The following ZNF536 variants were observed in gnomAD, a reference collection of about 807,000 sequenced individuals.
ZNF536 encodes zinc finger protein 536.
In ZNF536, 13 loss-of-function variants were observed where a neutral mutation model predicts 84.5. The ratio of observed to expected loss-of-function variants is 0.15; its 90% confidence interval spans 0.10 to 0.24. The LOEUF is 0.24. Among genes scored for constraint, ZNF536 ranks in the 10% least tolerant of loss-of-function variants. The pLI, the probability that ZNF536 is intolerant of heterozygous loss-of-function variation, is 1.00. For synonymous variants in ZNF536, 811 were observed against 742.5 expected (o/e 1.09, Z -1.50); for missense variants, 1,536 against 1,747.5 (o/e 0.88, Z 2.16).
In ZNF536 at chr19:30,243,697, C is replaced by T. The variant is rs562778465; in HGVS notation, c.-190+15024C>T. Among the ~76,000 whole-genome samples, 23 of 152,320 alleles carry T rather than the reference C, an allele frequency of 1.5e-4. No homozygotes were observed. The South Asian group carries it at 4.3e-3, about 29-fold the overall frequency. ...TTTTGACAGTGCTAGTGCTGTATTA[C>T]GTCTGGCTCATTAATTTGGAGACAA... On this transcript the variant is annotated intron_variant, in intron 1 of 5. Transcript: ENST00000585628.
intron 1 of ZNF536, among the ~76,000 whole-genome samples, chr19:30,586,729 A>G (rs1448763645): frequency 2.0e-5 from 3 of 152,206 alleles, no homozygotes; most frequent in Non-Finnish European, 2.9e-5. Flanking sequence ...TAGTGTGTGG[A>G]TGGAGAGTAC....
intron 1 of ZNF536, among the ~76,000 whole-genome samples, chr19:30,272,412 A>C (rs2025903096): frequency 6.6e-6 from 1 of 152,154 alleles, no homozygotes; most frequent in African/African-American, 2.4e-5. Context: ...TGTTGAACCA[A>C]TATTGATACA....
intron 1 of ZNF536, among the ~76,000 whole-genome samples, chr19:30,275,690 C>A (rs2026089287): frequency 6.6e-6 from 1 of 152,116 alleles, no homozygotes; most frequent in Non-Finnish European, 1.5e-5. Context: ...ATGATAATAC[C>A]CACCTCATAA....
downstream of ZNF536, among the ~76,000 whole-genome samples, chr19:30,558,961 A>G (rs2046062446): frequency 6.6e-6 from 1 of 152,164 alleles, no homozygotes; most frequent in African/African-American, 2.4e-5. Flanking sequence ...CTCATTGAAC[A>G]ACCCTGGCCT....
intron 4 of ZNF536, chr19:30,555,178 G>C (rs966824259): frequency 2.0e-5 from 3 of 152,256 alleles, no homozygotes; most frequent in Non-Finnish European, 4.4e-5. Context: ...ATGCAAGCTT[G>C]CTCTGTGAAA....
At chr19:30,702,829 G>A (rs991269159) in intron 1 of ZNF536, among the ~76,000 whole-genome samples, 5 of 152,158 alleles carry the variant, frequency 3.3e-5, no homozygotes, top group Non-Finnish European at 7.3e-5. Flanking sequence ...AATGCTTGGC[G>A]GAAATCTGTG....
chr19:30,501,021 A>T (rs1374925623), intron 2 of ZNF536, among the ~76,000 whole-genome samples: 2 of 152,172 alleles, frequency 1.3e-5, no homozygotes, highest in Non-Finnish European at 2.9e-5. Flanking sequence ...TTGACCTGTC[A>T]TGTAGAGTTT....
chr19:30,451,613 G>C (rs1306723647), intron 2 of ZNF536, among the ~76,000 whole-genome samples: 1 of 152,216 alleles, frequency 6.6e-6, no homozygotes, highest in Admixed American at 6.5e-5. Context: ...TAAAATTGCA[G>C]AGGCAGAGCA....
chr19:30,351,461 T>C (rs2047928233), intron 2 of ZNF536, among the ~76,000 whole-genome samples: 1 of 152,276 alleles, frequency 6.6e-6, no homozygotes, highest in African/African-American at 2.4e-5. Flanking sequence ...CACTATCATT[T>C]GCATATAGCA....
chr19:30,304,887 G>A (rs2046300413), intron 2 of ZNF536, among the ~76,000 whole-genome samples: 2 of 152,196 alleles, frequency 1.3e-5, no homozygotes, highest in Non-Finnish European at 2.9e-5. Flanking sequence ...GAAGTTCTAG[G>A]GGCAAAGCAT....
intron 1 of ZNF536, among the ~76,000 whole-genome samples, chr19:30,684,140 C>CAT (rs967335053): frequency 1.3e-5 from 2 of 151,980 alleles, no homozygotes; most frequent in Non-Finnish European, 2.9e-5. Flanking sequence ...CACATATATA[C>CAT]ATATATATAT....
intron 1 of ZNF536, among the ~76,000 whole-genome samples, chr19:30,563,562 G>C (rs2146454737): frequency 6.6e-6 from 1 of 152,330 alleles, no homozygotes; most frequent in Middle Eastern, 3.4e-3. Context: ...ATCACAAAGG[G>C]AATGTTCTTG....
At chr19:30,367,389 T>C (rs1279659189), upstream of ZNF536, among the ~76,000 whole-genome samples, 1 of 152,240 alleles carries the variant, frequency 6.6e-6, no homozygotes, top group Admixed American at 6.5e-5. Context: ...TTACACATCA[T>C]CTGACTACCA....
intron 1 of ZNF536, among the ~76,000 whole-genome samples, chr19:30,267,132 G>T (rs1287973185): frequency 6.6e-6 from 1 of 152,180 alleles, no homozygotes; most frequent in Non-Finnish European, 1.5e-5. Context: ...TCGGAGGCAA[G>T]AAATATTTTT....
intron 2 of ZNF536, among the ~76,000 whole-genome samples, chr19:30,501,169 C>T (rs2054935791): frequency 2.0e-5 from 3 of 152,182 alleles, no homozygotes; most frequent in Admixed American, 2.0e-4. Flanking sequence ...AGAAGGACCA[C>T]CACTGCCCAT....
rs1429277981 is a variant in ZNF536 at position 30,384,170 on chromosome 19, CTTCT to C, written c.-3+11627_-3+11630del. 8.5e-3 allele frequency among the ~76,000 whole-genome samples: 750 copies of C among 88,350 alleles called. 33 individuals are homozygous for C. The highest frequency in any genetic ancestry group is 0.031 in the African/African-American group (716 of 22,870). 58.0% of individuals were successfully genotyped at this position (88,350 alleles called of 152,430 possible). A position where few individuals can be genotyped will look rare whatever the true frequency, so the allele number is the denominator to read the frequency against. On this transcript the variant is annotated intron_variant, in intron 1 of 4. Coordinates refer to ENST00000355537, the MANE Select transcript of ZNF536 (RefSeq NM_014717.3). ...TTTCTTTCTTTCTTTCTTTCGTTTC[CTTCT>C]TTCTTTCTTTCTCCTTCCTTCCTTC...
At chr19:30,707,564 A>T (rs925799810) in intron 1 of ZNF536, among the ~76,000 whole-genome samples, 1 of 152,212 alleles carries the variant, frequency 6.6e-6, no homozygotes, top group Non-Finnish European at 1.5e-5. Context: ...AAGGGCCAAC[A>T]GCAAGTGCAC....
chr19:30,572,863 T>C (rs1007531556), intron 1 of ZNF536, among the ~76,000 whole-genome samples: 1 of 152,204 alleles, frequency 6.6e-6, no homozygotes, highest in African/African-American at 2.4e-5. Context: ...GTATCACATG[T>C]ATCACATGGA....
intron 4 of ZNF536, chr19:30,555,811 T>G (rs1461292472): frequency 6.6e-6 from 1 of 152,236 alleles, no homozygotes; most frequent in East Asian, 1.9e-4. Context: ...GCCAGCAGGT[T>G]CTAATGAAGA....
Sources: gnomAD v4.1 joint callset for allele counts (sites outside exome capture counted in the v4.1 genomes callset) on GRCh38, gnomAD v4.1.1 for gene constraint, MANE v1.5 for transcripts, NCBI Gene and HGNC (gene_info 2026-07-23, HGNC 2026-07-21) for gene names.